Variants in DOCK8 observed in about 807,000 individuals in gnomAD.
DOCK8 encodes the protein dedicator of cytokinesis protein 8.
A neutral mutation model predicts 245.6 loss-of-function variants in DOCK8; 141 were observed. The observed-to-expected ratio is 0.57, with a 90% CI of 0.50 to 0.66. The LOEUF is 0.66. Ranked by LOEUF, DOCK8 falls within the 30% of genes least tolerant of loss-of-function variation. The pLI, the probability that DOCK8 is intolerant of heterozygous loss-of-function variation, is 0.00. For missense variants in DOCK8, 2,965 were observed against 2,603.4 expected, an observed-to-expected ratio of 1.14 and a Z score of -3.02; for synonymous variants, 1,168 against 970.2, an observed-to-expected ratio of 1.20 and a Z score of -3.79.
chr9:231,590 G>C (rs922024602), intron 1 of DOCK8, among the ~76,000 whole-genome samples: 1 of 152,080 alleles, frequency 6.6e-6, no homozygotes. Flanking sequence ...GCAGTGGTTT[G>C]TAGTTCTTGA....
chr9:440,898 T>C (rs1048736975), intron 40 of DOCK8, among the ~76,000 whole-genome samples: 4 of 152,158 alleles, frequency 2.6e-5, no homozygotes, highest in Non-Finnish European at 4.4e-5. Flanking sequence ...CACACCTGGC[T>C]GATTTTTTAA....
intron 46 of DOCK8, among the ~76,000 whole-genome samples, chr9:459,488 T>G (rs1213847762): frequency 1.3e-5 from 2 of 152,230 alleles, no homozygotes; most frequent in Admixed American, 6.5e-5. Context: ...TTTAGTGGCT[T>G]AAAAGAAAAT....
intron 28 of DOCK8, among the ~76,000 whole-genome samples, chr9:413,331 A>G (rs1460484923): frequency 2.6e-5 from 4 of 152,348 alleles, no homozygotes; most frequent in East Asian, 3.9e-4. Context: ...GGTAATCATC[A>G]TAGACTTAGA....
chr9:379,692 C>T, intron 20 of DOCK8, 79 bp from the exon 21 acceptor site: 1 of 1,510,288 alleles, frequency 6.6e-7, no homozygotes, highest in Non-Finnish European at 9.2e-7. Flanking sequence ...GACTCATTGT[C>T]ACTGTCCTGG....
At chr9:330,363 T>G (rs2050955715) in intron 9 of DOCK8, among the ~76,000 whole-genome samples, 1 of 152,186 alleles carries the variant, frequency 6.6e-6, no homozygotes, top group South Asian at 2.1e-4. Context: ...CCACATAGTT[T>G]GAGAAAACAC....
chr9:340,020 G>A, intron 13 of DOCK8, 139 bp from the exon 14 acceptor site: 3 of 855,604 alleles, frequency 3.5e-6, no homozygotes, highest in Non-Finnish European at 5.5e-6. Context: ...TCAAGCTGTA[G>A]GAAATTAGCT....
intron 4 of DOCK8, 74 bp downstream of exon 4, chr9:289,655 A>G (rs1263905436): frequency 5.9e-6 from 8 of 1,344,998 alleles, no homozygotes; most frequent in Non-Finnish European, 7.2e-6. Context: ...ATTTCTTAAT[A>G]CTTTGAACAG....
At chr9:399,057 C>T (rs1251808468) in intron 25 of DOCK8, 89 bp from the exon 26 acceptor site, 7 of 1,199,480 alleles carry the variant, frequency 5.8e-6, no homozygotes, top group African/African-American at 4.5e-5. Flanking sequence ...AATAATAGGA[C>T]CTGTCTCTCC....
intron 1 of DOCK8, among the ~76,000 whole-genome samples, chr9:239,461 A>T (rs1563832085): frequency 6.6e-6 from 1 of 152,234 alleles, no homozygotes; most frequent in East Asian, 1.9e-4. Flanking sequence ...TATGATCACC[A>T]GGTATACTTG....
At chr9:400,754 A>G (rs2054933146) in intron 26 of DOCK8, among the ~76,000 whole-genome samples, 2 of 103,126 alleles carry the variant, frequency 1.9e-5, no homozygotes, top group Non-Finnish European at 3.9e-5. Flanking sequence ...CATCTTCACC[A>G]TCACCACCAC....
At chr9:291,987 T>C (rs2049059560) in intron 4 of DOCK8, among the ~76,000 whole-genome samples, 1 of 148,122 alleles carries the variant, frequency 6.8e-6, no homozygotes, top group African/African-American at 2.5e-5. Flanking sequence ...GGAGGATCAC[T>C]TGAGCCCAGG....
chr9:463,277 A>G (rs1202352357), intron 46 of DOCK8, among the ~76,000 whole-genome samples: 1 of 15,054 alleles, frequency 6.6e-5, no homozygotes, highest in Non-Finnish European at 3.7e-4. Context: ...AAAATAAGGT[A>G]AAAAAAAAAA....
intron 4 of DOCK8, among the ~76,000 whole-genome samples, chr9:291,848 C>G (rs1172638307): frequency 6.6e-6 from 1 of 151,382 alleles, no homozygotes; most frequent in Admixed American, 6.6e-5. Flanking sequence ...AGGAGGATCC[C>G]TTGAACCCAG....
chr9:425,445 T>G (rs1025456808), intron 33 of DOCK8, among the ~76,000 whole-genome samples: 1 of 147,234 alleles, frequency 6.8e-6, no homozygotes, highest in African/African-American at 2.6e-5. Context: ...AGCAGGAGAA[T>G]GGCGTGAACC....
chr9:382,465 A>AC (rs2053760236), intron 21 of DOCK8, 48 bp from the exon 22 acceptor site: 1 of 1,611,136 alleles, frequency 6.2e-7, no homozygotes, highest in South Asian at 1.1e-5. Flanking sequence ...CTCAGTAAGT[A>AC]ACTCTGTTCC....
rs746849027 is a variant in DOCK8 at position 214,876 on chromosome 9, T to C, written c.-101T>C. 1.2e-6 allele frequency: 2 copies of C among 1,601,564 alleles called. No homozygotes were observed. Among genetic ancestry groups the C allele is most frequent in the Admixed American group, 1.7e-5 (1 of 59,184 alleles). ...TTCCAGCGCCGACCGACAGACGAGG[T>C]TTGCGCTTGGCTGGGCATGTTCCGC... On this transcript the variant is annotated 5_prime_UTR_variant, in exon 1 of 48. Transcript: ENST00000432829.
chr9:382,673 C>T lies in DOCK8; in HGVS notation c.2766C>T (p.Ile922=), dbSNP rs752673017. The T allele has an allele frequency of 8.1e-6, 13 of 1,614,020 alleles. No homozygotes were observed. The African/African-American group carries it at 1.7e-4, about 22-fold the overall frequency. The part of the protein sequence containing the change: ...HSAADEEVKN[I]MSSKIADRNC... The stretch of plus-strand genomic sequence containing the variant: ...CAGCAGACGAGGAAGTGAAGAACAT[C>T]ATGTCTTCAAAGGTAGGAAAGATGT... Residue 922 remains isoleucine (I), a synonymous_variant, in exon 22 of 48, where the codon ATC becomes ATT. Transcript: ENST00000432829.
chr9:429,132 A>G (rs367668737), intron 35 of DOCK8, among the ~76,000 whole-genome samples: 1 of 151,940 alleles, frequency 6.6e-6, no homozygotes, highest in African/African-American at 2.4e-5. Flanking sequence ...GCACCCAGCT[A>G]ATTTTTGTAT....
At chr9:228,319 C>A (rs972172822) in intron 1 of DOCK8, among the ~76,000 whole-genome samples, 1 of 152,102 alleles carries the variant, frequency 6.6e-6, no homozygotes, top group Admixed American at 6.5e-5. Context: ...TAATATGCAA[C>A]AAATTTTTCT....
Sources: gnomAD v4.1 joint callset for allele counts (sites outside exome capture counted in the v4.1 genomes callset) on GRCh38, gnomAD v4.1.1 for gene constraint, MANE v1.5 for transcripts, NCBI Gene and HGNC (gene_info 2026-07-23, HGNC 2026-07-21) for gene names.